DLGAP2: variants seen among roughly 807,000 people sequenced by gnomAD.
DLGAP2 encodes the protein DLG associated protein 2.
Under a neutral mutation model 100.3 loss-of-function variants are expected in DLGAP2, and 26 were observed. That is an observed-to-expected ratio of 0.26 (90% CI 0.19 to 0.36). DLGAP2 has a LOEUF of 0.36. Among genes scored for constraint, DLGAP2 ranks in the 10% least tolerant of loss-of-function variants. The probability of loss-of-function intolerance (pLI) is 1.00; values close to 1 mark genes in which losing one functional copy is unlikely to be tolerated. For synonymous variants in DLGAP2, 886 were observed against 630.1 expected, an observed-to-expected ratio of 1.41 and a Z score of -6.08; for missense variants, 1,858 against 1,453.2, an observed-to-expected ratio of 1.28 and a Z score of -4.53.
At chr8:1,580,496 G>A (rs1208750686) in intron 6 of DLGAP2, among the ~76,000 whole-genome samples, 4 of 152,190 alleles carry the variant, frequency 2.6e-5, no homozygotes, top group African/African-American at 7.2e-5. Context: ...GCTATCAAAT[G>A]TTCTCACACA....
intron 3 of DLGAP2, among the ~76,000 whole-genome samples, chr8:1,437,392 A>G (rs1050410175): frequency 6.6e-6 from 1 of 152,246 alleles, no homozygotes; most frequent in Non-Finnish European, 1.5e-5. Context: ...ATTAAGTGGC[A>G]CATGACTGTA....
At chr8:1,443,046 C>A (rs1335509549) in intron 3 of DLGAP2, among the ~76,000 whole-genome samples, 1 of 152,196 alleles carries the variant, frequency 6.6e-6, no homozygotes, top group African/African-American at 2.4e-5. Flanking sequence ...TAGTGCATTT[C>A]TCTTTGTTAG....
intron 3 of DLGAP2, among the ~76,000 whole-genome samples, chr8:1,264,513 A>C (rs1348780098): frequency 6.6e-6 from 1 of 152,140 alleles, no homozygotes; most frequent in Non-Finnish European, 1.5e-5. Flanking sequence ...CTGAGATCTG[A>C]ATTTATACTA....
rs190678239 is a variant in DLGAP2 at position 1,097,881 on chromosome 8, G to A, written c.74-160970G>A. On this transcript the variant is annotated intron_variant, in intron 2 of 14. Transcript: ENST00000637795. ...CTGTGGCATGGAGAGGTCCCCTCCA[G>A]TGTGAGACCCACCTCCCTGCGCTCA... 1.6e-3 allele frequency among the ~76,000 whole-genome samples: 236 copies of A among 151,442 alleles called. 12 individuals are homozygous for A. The highest frequency in any genetic ancestry group is 5.2e-3 in the African/African-American group (215 of 41,242).
chr8:1,697,131 C>T lies in DLGAP2; in HGVS notation c.2797-16C>T, dbSNP rs763473623. The stretch of plus-strand genomic sequence containing the variant: ...GGAGACTCTCCTGGCTCTGAACACC[C>T]TGTGTGTGTCCCCAGGACCCCAGCG... On this transcript the variant is annotated splice_polypyrimidine_tract_variant and intron_variant, in intron 13 of 14. Coordinates refer to ENST00000637795, the MANE Select transcript of DLGAP2 (RefSeq NM_001346810.2). 6.4e-7 allele frequency: 1 copy of T among 1,551,442 alleles called. No homozygotes were observed. The highest frequency in any genetic ancestry group is 8.7e-7 in the Non-Finnish European group (1 of 1,147,368).
chr8:1,695,222 G>A (rs1375498025), intron 13 of DLGAP2, among the ~76,000 whole-genome samples: 1 of 147,588 alleles, frequency 6.8e-6, no homozygotes, highest in Non-Finnish European at 1.5e-5. Flanking sequence ...TACAGAAAGA[G>A]GGGCACAGCC....
chr8:1,080,101 C>T (rs1290299083), intron 2 of DLGAP2, among the ~76,000 whole-genome samples: 1 of 152,200 alleles, frequency 6.6e-6, no homozygotes, highest in Non-Finnish European at 1.5e-5. Flanking sequence ...TCCCCAGCCT[C>T]CCAGCCATGT....
chr8:1,448,482 T>G (rs1464743381), intron 3 of DLGAP2, among the ~76,000 whole-genome samples: 3 of 152,224 alleles, frequency 2.0e-5, no homozygotes, highest in Non-Finnish European at 2.9e-5. Context: ...TCTTTTACAT[T>G]TGCTGAGGAG....
At chr8:807,202 T>C (rs1796286839) in intron 1 of DLGAP2, among the ~76,000 whole-genome samples, 1 of 152,236 alleles carries the variant, frequency 6.6e-6, no homozygotes, top group Middle Eastern at 3.2e-3. Context: ...TCTGGTGTGA[T>C]GCAAAGGTAC....
chr8:1,116,556 G>A (rs1805123610), intron 2 of DLGAP2, among the ~76,000 whole-genome samples: 1 of 152,158 alleles, frequency 6.6e-6, no homozygotes, highest in Non-Finnish European at 1.5e-5. Flanking sequence ...TGCACTTAGG[G>A]AGGCCAATGT....
At chr8:1,231,125 G>A (rs958728784) in intron 2 of DLGAP2, among the ~76,000 whole-genome samples, 3 of 152,066 alleles carry the variant, frequency 2.0e-5, no homozygotes, top group African/African-American at 7.2e-5. Context: ...GAATCTATAA[G>A]AAACTTAACA....
chr8:1,161,186 C>A (rs182027305), intron 2 of DLGAP2, among the ~76,000 whole-genome samples: 1 of 152,110 alleles, frequency 6.6e-6, no homozygotes, highest in Non-Finnish European at 1.5e-5. Flanking sequence ...GTAAACACAT[C>A]GATGTATCCT....
At chr8:1,099,403 C>T (rs1250405416) in intron 2 of DLGAP2, among the ~76,000 whole-genome samples, 1 of 152,214 alleles carries the variant, frequency 6.6e-6, no homozygotes, top group African/African-American at 2.4e-5. Context: ...TCGCAAGTTT[C>T]ATTCAACAAA....
chr8:833,565 A>G (rs35991851), intron 1 of DLGAP2, among the ~76,000 whole-genome samples: 16,900 of 152,080 alleles, frequency 0.11, 1,497 homozygotes, highest in East Asian at 0.52. Context: ...TCTCTGGCTT[A>G]AGGATTCTTG....
In DLGAP2 at chr8:1,385,243, G is replaced by C. The variant is rs7003650; in HGVS notation, c.107-116123G>C. 4.3e-3 allele frequency among the ~76,000 whole-genome samples: 187 copies of C among 43,124 alleles called. 4 individuals are homozygous for C. The highest frequency in any genetic ancestry group is 7.8e-3 in the Admixed American group (32 of 4,096). 28.3% of individuals were successfully genotyped at this position (43,124 alleles called of 152,430 possible). A position where few individuals can be genotyped will look rare whatever the true frequency, so the allele number is the denominator to read the frequency against. ...ATGCCCGTCCCCTGAGAACTTGGTG[G>C]ACAGTTACCCGGCCTGTGCCCGTCC... On this transcript the variant is annotated intron_variant, in intron 3 of 14. Transcript: ENST00000637795.
chr8:1,063,694 C>G (rs73540067), intron 2 of DLGAP2, among the ~76,000 whole-genome samples: 3,992 of 152,194 alleles, frequency 0.026, 154 homozygotes, highest in African/African-American at 0.092. Context: ...ACCAAAATAT[C>G]TTACATTAAA....
chr8:1,311,649 A>T (rs545220061), intron 3 of DLGAP2, among the ~76,000 whole-genome samples: 1 of 152,252 alleles, frequency 6.6e-6, no homozygotes, highest in South Asian at 2.1e-4. Flanking sequence ...CACTACCTGC[A>T]CATCTCAGTT....
chr8:1,200,105 C>A (rs898406942), intron 2 of DLGAP2, among the ~76,000 whole-genome samples: 1 of 152,068 alleles, frequency 6.6e-6, no homozygotes, highest in Non-Finnish European at 1.5e-5. Flanking sequence ...GCTGAAGGGT[C>A]GGGGGCGTGG....
chr8:947,137 C>T (rs974441965), intron 2 of DLGAP2, among the ~76,000 whole-genome samples: 1 of 152,210 alleles, frequency 6.6e-6, no homozygotes, highest in African/African-American at 2.4e-5. Flanking sequence ...GGAAGACTGT[C>T]TTTCAATTGA....
Sources: gnomAD v4.1 joint callset for allele counts (sites outside exome capture counted in the v4.1 genomes callset) on GRCh38, gnomAD v4.1.1 for gene constraint, MANE v1.5 for transcripts, NCBI Gene and HGNC (gene_info 2026-07-23, HGNC 2026-07-21) for gene names.